The following SMG5 variants were observed in gnomAD, a reference collection of about 807,000 sequenced individuals.
SMG5 encodes SMG5 nonsense mediated mRNA decay factor.
Under a neutral mutation model 122.9 loss-of-function variants are expected in SMG5, and 53 were observed. That is an observed-to-expected ratio of 0.43 (90% CI 0.35 to 0.54). SMG5 has a LOEUF of 0.54. SMG5 is among the 20% of genes least tolerant of loss of function. SMG5 has a pLI of 0.01. For missense variants in SMG5, 1,153 were observed against 1,285.6 expected (o/e 0.90, Z 1.58); for synonymous variants, 477 against 490.2 (o/e 0.97, Z 0.35).
intron 12 of SMG5, 30 bp downstream of exon 12, chr1:156,265,751 C>T (rs1662095151): frequency 6.3e-7 from 1 of 1,599,062 alleles, no homozygotes; most frequent in Non-Finnish European, 8.5e-7. Flanking sequence ...AGGTGCGGAC[C>T]AGAACAGGAT....
intron 20 of SMG5, 200 bp from the exon 21 acceptor site, chr1:156,251,196 G>T: frequency 1.1e-6 from 1 of 891,668 alleles, no homozygotes; most frequent in South Asian, 1.6e-5. Flanking sequence ...GCATCGCAAG[G>T]CCCAAAGAGG....
intron 10 of SMG5, 118 bp from the exon 11 acceptor site, chr1:156,266,796 A>G (rs1379085397): frequency 4.2e-6 from 5 of 1,185,780 alleles, no homozygotes; most frequent in Non-Finnish European, 5.7e-6. Context: ...TACTTATCAA[A>G]GATTCTTTTT....
At chr1:156,282,862 C>G (rs901027963), upstream of SMG5, 3 of 624,056 alleles carry the variant, frequency 4.8e-6, no homozygotes, top group African/African-American at 3.8e-5. Context: ...GCGATGGCAG[C>G]CGCACAGTTG....
In SMG5 at chr1:156,271,566, G is replaced by GTTT. The variant is rs755111375; in HGVS notation, c.713+751_713+753dup. On this transcript the variant is annotated intron_variant, in intron 7 of 21. Coordinates refer to ENST00000361813, the MANE Select transcript of SMG5 (RefSeq NM_015327.3). ...AATCAATTTTGGGTGCCCTGAAGAG[G>GTTT]TTTTTTTTTTTTTTTTTTTTTTTTT... Among the ~76,000 whole-genome samples the GTTT allele has an allele frequency of 4.5e-3, 368 of 82,274 alleles. 1 individual carries two copies. Among genetic ancestry groups the GTTT allele is most frequent in the Non-Finnish European group, 4.8e-3 (217 of 45,096 alleles). The allele number at this position is 82,274 out of a possible 152,430, so 54.0% of individuals were successfully genotyped here. A position where few individuals can be genotyped will look rare whatever the true frequency, so the allele number is the denominator to read the frequency against.
rs2103201013 is a variant in SMG5 at position 156,250,451 on chromosome 1, C to T, written c.*136G>A. On this transcript the variant is annotated 3_prime_UTR_variant, in exon 22 of 22. Transcript: ENST00000361813. ...GGCTCCTGGGCCCTCCCTGCAGCCT[C>T]TGAGCAGCTAGGCCTCCCTCCTGTG... is the stretch of plus-strand genomic sequence containing the variant. 1 of 789,676 alleles carries T rather than the reference C, an allele frequency of 1.3e-6. No individual in the cohort carries two copies. The highest frequency in any genetic ancestry group is 2.5e-5 in the East Asian group (1 of 40,618). The allele number at this position is 789,676 out of a possible 1,614,324, so 48.9% of individuals were successfully genotyped here.
intron 16 of SMG5, among the ~76,000 whole-genome samples, chr1:156,256,010 CA>C (rs1262327383): frequency 6.6e-6 from 1 of 152,130 alleles, no homozygotes; most frequent in African/African-American, 2.4e-5. Context: ...AGTGTCACAT[CA>C]GGAAAGAAAA....
upstream of SMG5, chr1:156,285,908 C>T (rs755500391): frequency 2.4e-5 from 38 of 1,599,288 alleles, no homozygotes; most frequent in South Asian, 3.3e-5. Context: ...TGATGTCCCA[C>T]GGCTGCCCAC....
chr1:156,271,668 G>A (rs189929169), intron 7 of SMG5, among the ~76,000 whole-genome samples: 2 of 103,424 alleles, frequency 1.9e-5, no homozygotes, highest in African/African-American at 2.9e-5. Context: ...CTGCCTCCTG[G>A]GTTCAAGTGA....
intron 14 of SMG5, 83 bp downstream of exon 14, chr1:156,261,250 G>C: frequency 7.5e-7 from 1 of 1,332,792 alleles, no homozygotes; most frequent in Non-Finnish European, 1.1e-6. Context: ...TACCCCAAGG[G>C]CTGGGTTATG....
chr1:156,268,243 T>G (rs749478367), intron 8 of SMG5, 47 bp downstream of exon 8: 11 of 1,613,966 alleles, frequency 6.8e-6, no homozygotes, highest in Admixed American at 5.0e-5. Context: ...ATGGTCCTAC[T>G]GCACCAACTG....
At chr1:156,276,152 A>T (rs1219014991) in intron 4 of SMG5, among the ~76,000 whole-genome samples, 3 of 132,080 alleles carry the variant, frequency 2.3e-5, no homozygotes, top group African/African-American at 5.8e-5. Context: ...TTTGAGACAG[A>T]GTCTCACTCT....
intron 5 of SMG5, 101 bp from the exon 6 acceptor site, chr1:156,273,551 G>A (rs2101557142): frequency 8.9e-7 from 1 of 1,119,550 alleles, no homozygotes; most frequent in East Asian, 2.6e-5. Context: ...ACAAGAGCCT[G>A]GAAGGAAGGT....
intron 13 of SMG5, among the ~76,000 whole-genome samples, chr1:156,263,040 TC>T (rs2103222157): frequency 6.6e-6 from 1 of 152,330 alleles, no homozygotes; most frequent in East Asian, 1.9e-4. Flanking sequence ...TCTGTCACTA[TC>T]CTCTACTCAA....
At chr1:156,274,717 C>T (rs1662601400) in intron 4 of SMG5, 31 bp from the exon 5 acceptor site, 1 of 1,578,590 alleles carries the variant, frequency 6.3e-7, no homozygotes, top group Non-Finnish European at 8.7e-7. Flanking sequence ...GATTTGTAGG[C>T]CCATTCTTCT....
chr1:156,259,795 G>C (rs777709000), intron 15 of SMG5, among the ~76,000 whole-genome samples: 4 of 152,172 alleles, frequency 2.6e-5, no homozygotes, highest in Non-Finnish European at 4.4e-5. Flanking sequence ...CCCCAACCAA[G>C]TGCTGGGATT....
chr1:156,258,073 C>T (rs1224499378), intron 16 of SMG5, among the ~76,000 whole-genome samples: 2 of 152,214 alleles, frequency 1.3e-5, no homozygotes, highest in Admixed American at 6.5e-5. Flanking sequence ...AATGGACTCT[C>T]GATAAATATT....
At chr1:156,269,832 G>A (rs566318842) in intron 7 of SMG5, among the ~76,000 whole-genome samples, 4 of 152,226 alleles carry the variant, frequency 2.6e-5, no homozygotes, top group South Asian at 2.1e-4. Context: ...CTGAGATCGC[G>A]CCACTGCACT....
chr1:156,259,092 C>G lies in SMG5; in HGVS notation c.2355G>C (p.Gln785His). 2 of 1,611,730 alleles carry G rather than the reference C, an allele frequency of 1.2e-6. No homozygotes were observed. Among genetic ancestry groups the G allele is most frequent in the Non-Finnish European group, 1.7e-6 (2 of 1,179,052 alleles). ...FIARLQGSIL[Q>H]FNPEVGIFVS... ...CGAAGATGCCAACCTCTGGGTTGAA[C>G]TGCAGGATGCTGCCTTGCAGGCGGG... Residue 785 changes from glutamine to histidine, a missense_variant, in exon 16 of 22, where the codon CAG becomes CAC. Gln to His is a conservative substitution (Grantham distance 24). Coordinates refer to ENST00000361813, the MANE Select transcript of SMG5 (RefSeq NM_015327.3).
At position 156,281,370 on chromosome 1, in the gene SMG5, CTCTG is replaced by C. The variant is rs546560982; in HGVS notation, c.74+1233_74+1236del. Reference sequence around the variant, plus strand: ...AGGAATATTGCAGACACTGCCCACGCTCTGTCTGACAGGCAGCACTGACACTCGG... The same window carrying C: ...AGGAATATTGCAGACACTGCCCACGCTCTGACAGGCAGCACTGACACTCGG... On this transcript the variant is annotated intron_variant, in intron 1 of 21. Coordinates refer to ENST00000361813, the MANE Select transcript of SMG5 (RefSeq NM_015327.3). Among the ~76,000 whole-genome samples, 35 of 152,332 alleles carry C rather than the reference CTCTG, an allele frequency of 2.3e-4. No individual in the cohort carries two copies. In the East Asian group the frequency reaches 6.2e-3, roughly 27 times the overall value.
Sources: gnomAD v4.1 joint callset for allele counts (sites outside exome capture counted in the v4.1 genomes callset) on GRCh38, gnomAD v4.1.1 for gene constraint, MANE v1.5 for transcripts, NCBI Gene and HGNC (gene_info 2026-07-23, HGNC 2026-07-21) for gene names.